Variants in VSIG10 observed in about 807,000 individuals in gnomAD.
VSIG10 encodes V-set and immunoglobulin domain-containing protein 10.
Under a neutral mutation model 58.7 loss-of-function variants are expected in VSIG10, and 48 were observed. The observed-to-expected ratio is 0.82, with a 90% CI of 0.65 to 1.04. VSIG10 has a LOEUF of 1.04. Ranked by LOEUF, VSIG10 falls within the 50% of genes least tolerant of loss-of-function variation. The pLI is 0.00. For synonymous variants in VSIG10, 260 were observed against 267.1 expected, an observed-to-expected ratio of 0.97 and a Z score of 0.26; for missense variants, 628 against 670.0, an observed-to-expected ratio of 0.94 and a Z score of 0.69.
chr12:118,094,392 CT>C (rs1201328394), intron 2 of VSIG10, among the ~76,000 whole-genome samples: 1 of 149,944 alleles, frequency 6.7e-6, no homozygotes, highest in African/African-American at 2.4e-5. Context: ...GTTTATTTTT[CT>C]TTTTTTTTGA....
rs2032860458 is a variant in VSIG10, at chr12:118,079,440, C to T, written c.831G>A (p.Leu277=). ...TGCCATCCGACAGCTGGGACTCGCTCAGCATTTCCACCCCCAGCTTTGACT... is the reference window on the plus strand; with the variant it reads ...TGCCATCCGACAGCTGGGACTCGCTTAGCATTTCCACCCCCAGCTTTGACT... The part of the protein sequence containing the change: ...VGKSKLGVEM[L]SESQLSDGKK... The change falls in exon 4 of 9, where the codon CTG becomes CTA. Residue 277 remains leucine, a synonymous_variant. Coordinates refer to ENST00000359236, the MANE Select transcript of VSIG10 (RefSeq NM_019086.6). The T allele has an allele frequency of 6.2e-7, 1 of 1,613,918 alleles. No individual in the cohort carries two copies. Among genetic ancestry groups the T allele is most frequent in the Non-Finnish European group, 8.5e-7 (1 of 1,179,908 alleles).
chr12:118,083,261 G>C (rs1256820274), intron 2 of VSIG10, among the ~76,000 whole-genome samples: 1 of 149,910 alleles, frequency 6.7e-6, no homozygotes, highest in African/African-American at 2.5e-5. Flanking sequence ...AGGAAACATA[G>C]CTAGACCCAA....
At chr12:118,066,807 T>C (rs2032265272) in intron 8 of VSIG10, 113 bp from the exon 9 acceptor site, 1 of 1,148,312 alleles carries the variant, frequency 8.7e-7, no homozygotes, top group South Asian at 1.5e-5. Context: ...AGCCACAGAA[T>C]GGGATCTCAT....
At chr12:118,102,333 TC>T (rs934724004) in intron 1 of VSIG10, 1 of 152,078 alleles carries the variant, frequency 6.6e-6, no homozygotes, top group Non-Finnish European at 1.5e-5. Flanking sequence ...GGAACTGTCC[TC>T]CCCCATCACC....
intron 2 of VSIG10, among the ~76,000 whole-genome samples, chr12:118,087,855 A>AAAAAGAG (rs766337791): frequency 1.5e-5 from 2 of 131,312 alleles, no homozygotes; most frequent in African/African-American, 2.6e-5. Context: ...AAAAAAAAAA[A>AAAAAGAG]AGAGAGAGAA....
intron 2 of VSIG10, among the ~76,000 whole-genome samples, chr12:118,094,959 A>G (rs1478280978): frequency 6.7e-6 from 1 of 149,146 alleles, no homozygotes; most frequent in Non-Finnish European, 1.5e-5. Flanking sequence ...GATGGAGCGC[A>G]GTGGCGCAAT....
At chr12:118,082,566 C>T in intron 2 of VSIG10, 137 bp from the exon 3 acceptor site, 5 of 875,356 alleles carry the variant, frequency 5.7e-6, no homozygotes, top group Admixed American at 2.9e-5. Context: ...GTGACAAATG[C>T]TATGCCAAGT....
chr12:118,098,871 T>C (rs2033546655), intron 1 of VSIG10, among the ~76,000 whole-genome samples: 1 of 151,418 alleles, frequency 6.6e-6, no homozygotes, highest in South Asian at 2.1e-4. Flanking sequence ...GTTTTATTTA[T>C]TTATTTTTAA....
At position 118,079,227 on chromosome 12, in the gene VSIG10, G is replaced by A. The variant is rs906188597; in HGVS notation, c.925+119C>T. 1.0e-5 allele frequency: 14 copies of A among 1,374,648 alleles called. No homozygotes were observed. The Admixed American group carries it at 3.8e-4, about 37-fold the overall frequency. 85.2% of individuals were successfully genotyped at this position (1,374,648 alleles called of 1,614,324 possible). ...AAGAAAAAGAAAGGGAGAAAGGGAA[G>A]GAATTCAGTCCACCCTGACATCCGG... On this transcript the variant is annotated intron_variant, in intron 4 of 8. Coordinates refer to ENST00000359236, the MANE Select transcript of VSIG10 (RefSeq NM_019086.6).
intron 3 of VSIG10, among the ~76,000 whole-genome samples, chr12:118,080,292 G>A (rs571752188): frequency 3.2e-4 from 49 of 151,376 alleles, no homozygotes; most frequent in Middle Eastern, 3.4e-3. Flanking sequence ...GAGCTACCGC[G>A]CCCAGCCTCA....
Position 118,073,722 on chromosome 12 carries a change from A to T in VSIG10, c.1196T>A (p.Met399Lys). The T allele has an allele frequency of 6.2e-7, 1 of 1,611,358 alleles. No individual in the cohort carries two copies. Among genetic ancestry groups the T allele is most frequent in the Non-Finnish European group, 8.5e-7 (1 of 1,178,390 alleles). Reference protein sequence around the residue: ...RADSPVGVREMEIWLSVKEPL... With the variant: ...RADSPVGVREKEIWLSVKEPL... The stretch of plus-strand genomic sequence containing the variant: ...ACCTTTCACACTCAGCCAGATTTCC[A>T]TCTCCCTCACCCCTACAGGGCTGTC... The change falls in exon 5 of 9, where the codon ATG becomes AAG. Residue 399 changes from methionine to lysine, a missense_variant. By Grantham distance (95) the Met-to-Lys change is moderately conservative. Transcript: ENST00000359236.
intron 2 of VSIG10, among the ~76,000 whole-genome samples, chr12:118,092,347 G>A (rs1434073039): frequency 6.6e-6 from 1 of 151,712 alleles, no homozygotes; most frequent in African/African-American, 2.4e-5. Flanking sequence ...TTATGGGCAT[G>A]AGCCACCGTA....
chr12:118,102,680 A>G (rs1453304861), intron 1 of VSIG10: 1 of 152,044 alleles, frequency 6.6e-6, no homozygotes, highest in East Asian at 1.9e-4. Context: ...ATACTTTACA[A>G]CCCATCTCCA....
chr12:118,076,093 G>A (rs1214261547), intron 4 of VSIG10, among the ~76,000 whole-genome samples: 2 of 152,186 alleles, frequency 1.3e-5, no homozygotes, highest in African/African-American at 4.8e-5. Flanking sequence ...GGACAAGAGG[G>A]CAGCTGTATT....
At position 118,095,703 on chromosome 12, in the gene VSIG10, A is replaced by G. The variant is rs370189293; in HGVS notation, c.191T>C (p.Val64Ala). 154 of 1,613,832 alleles carry G rather than the reference A, an allele frequency of 9.5e-5. No homozygotes were observed. The highest frequency in any genetic ancestry group is 1.2e-4 in the Non-Finnish European group (147 of 1,179,886). ...VTWYRNNSEP[V>A]FLLSSNSSLR... is the part of the protein sequence containing the mutation. ...GCTAGAGTTGGACGAGAGAAGGAAG[A>G]CAGGCTCCGAGTTGTTCCGGTACCA... The change falls in exon 2 of 9, where the codon GTC becomes GCC. Residue 64 changes from valine (V) to alanine (A), a missense_variant. Physicochemically the swap from Val to Ala is moderately conservative, Grantham distance 64. Transcript: ENST00000359236.
chr12:118,084,831 A>G (rs770343805), intron 2 of VSIG10, among the ~76,000 whole-genome samples: 14 of 152,192 alleles, frequency 9.2e-5, no homozygotes, highest in Non-Finnish European at 1.5e-5. Context: ...CATCCTGGCT[A>G]ACACGGTGAA....
intron 1 of VSIG10, among the ~76,000 whole-genome samples, chr12:118,099,634 G>A (rs2033571602): frequency 6.6e-6 from 1 of 152,210 alleles, no homozygotes. Flanking sequence ...TGATAAAAAT[G>A]ATGAATTAGT....
intron 7 of VSIG10, among the ~76,000 whole-genome samples, chr12:118,070,469 A>G (rs924984868): frequency 2.0e-4 from 31 of 151,224 alleles, no homozygotes; most frequent in African/African-American, 5.4e-4. Context: ...AATGGCCTCA[A>G]CCTGGGAGGT....
At chr12:118,097,193 G>C (rs2033485602) in intron 1 of VSIG10, among the ~76,000 whole-genome samples, 1 of 152,182 alleles carries the variant, frequency 6.6e-6, no homozygotes, top group Non-Finnish European at 1.5e-5. Flanking sequence ...CCACATCACT[G>C]GGGGGCCATC....
Sources: allele counts gnomAD v4.1 joint callset (sites outside exome capture counted in the v4.1 genomes callset), GRCh38; gene constraint gnomAD v4.1.1; transcripts MANE v1.5; gene names NCBI Gene and HGNC (gene_info 2026-07-23, HGNC 2026-07-21).